ADAM28: variants seen among roughly 807,000 people sequenced by gnomAD.
ADAM28 encodes the protein disintegrin and metalloproteinase domain-containing protein 28.
A neutral mutation model predicts 101.2 loss-of-function variants in ADAM28; 105 were observed. The observed-to-expected ratio is 1.04, with a 90% CI of 0.89 to 1.22. ADAM28 has a LOEUF of 1.22. Among genes scored for constraint, ADAM28 ranks in the 50% most tolerant of loss-of-function variants. ADAM28 has a pLI of 0.00. For synonymous variants in ADAM28, 322 were observed against 310.6 expected, an observed-to-expected ratio of 1.04 and a Z score of -0.39; for missense variants, 1,028 against 945.4, an observed-to-expected ratio of 1.09 and a Z score of -1.15.
At chr8:24,338,357 A>G (rs1187255195) in intron 14 of ADAM28, among the ~76,000 whole-genome samples, 40 of 152,238 alleles carry the variant, frequency 2.6e-4, no homozygotes, top group Non-Finnish European at 2.6e-4. Context: ...GATGCCAGAT[A>G]TATGAATGAT....
At chr8:24,325,502 G>A (rs551489094) in intron 9 of ADAM28, among the ~76,000 whole-genome samples, 28 of 151,840 alleles carry the variant, frequency 1.8e-4, no homozygotes, top group African/African-American at 6.5e-4. Flanking sequence ...GTTATTTTTT[G>A]CAAATGAGCA....
intron 18 of ADAM28, 29 bp from the exon 19 acceptor site, chr8:24,349,835 C>T (rs776272178): frequency 1.9e-6 from 3 of 1,584,690 alleles, no homozygotes; most frequent in Non-Finnish European, 2.6e-6. Flanking sequence ...TTTCTGCAGT[C>T]CTCAGCGGGC....
chr8:24,320,524 T>C (rs1811733741), intron 7 of ADAM28, among the ~76,000 whole-genome samples: 1 of 152,024 alleles, frequency 6.6e-6, no homozygotes, highest in Non-Finnish European at 1.5e-5. Context: ...ATGCATAAAT[T>C]GTTGGCACTT....
In ADAM28 at chr8:24,358,259, T is replaced by A. The variant is rs1179670175; in HGVS notation, c.*3855T>A. 1 of 152,258 alleles carries A rather than the reference T, an allele frequency of 6.6e-6. No individual in the cohort carries two copies. The allele number at this position is 152,258 out of a possible 1,614,324, so 9.4% of individuals were successfully genotyped here. The stretch of plus-strand genomic sequence containing the variant: ...CATTATTTCCTAAGTGTTATATTGC[T>A]ATTTTTCAGTTGGTGCATCCAATAT... On this transcript the variant is annotated 3_prime_UTR_variant, in exon 23 of 23. Coordinates refer to ENST00000265769, the MANE Select transcript of ADAM28 (RefSeq NM_014265.6).
rs1816709674 is a variant in ADAM28 at position 24,356,697 on chromosome 8, A to T, written c.*2293A>T. ...TTTAAGGGAATTCCGCTTATTTGAC[A>T]TTTAACTACCTCAGATATGCCACCA... On this transcript the variant is annotated 3_prime_UTR_variant, in exon 23 of 23. Coordinates refer to ENST00000265769, the MANE Select transcript of ADAM28 (RefSeq NM_014265.6). The T allele has an allele frequency of 6.6e-6, 1 of 152,160 alleles. No homozygotes were observed. Among genetic ancestry groups the T allele is most frequent in the Admixed American group, 6.6e-5 (1 of 15,254 alleles). 9.4% of individuals were successfully genotyped at this position (152,160 alleles called of 1,614,324 possible).
rs777743811 is a variant in ADAM28, at chr8:24,323,888, GAC to G, written c.777_778del (p.Asp259GlufsTer3). On this transcript the variant is annotated frameshift_variant, in exon 9 of 23. Coordinates refer to ENST00000265769, the MANE Select transcript of ADAM28 (RefSeq NM_014265.6). LOFTEE classifies it high-confidence loss of function. ...CTTAGTTGGTATGGAAATCTGGACT[GAC>G]AAGGATAAGATAAAGATAACCCCAA... Reference protein sequence around the residue: ...VALVGMEIWTDKDKIKITPNA... With the variant: ...VALVGMEIWTXKDKIKITPNA... 10 of 1,612,210 alleles carry G rather than the reference GAC, an allele frequency of 6.2e-6. No homozygotes were observed. Among genetic ancestry groups the G allele is most frequent in the Non-Finnish European group, 8.5e-6 (10 of 1,178,828 alleles).
chr8:24,351,370 C>A, intron 20 of ADAM28, 60 bp downstream of exon 20: 1 of 1,445,232 alleles, frequency 6.9e-7, no homozygotes, highest in South Asian at 1.1e-5. Context: ...CTCTCACACT[C>A]TTATCCTGAC....
At chr8:24,294,488 T>C (rs1807697692) in intron 1 of ADAM28, among the ~76,000 whole-genome samples, 1 of 152,160 alleles carries the variant, frequency 6.6e-6, no homozygotes, top group Non-Finnish European at 1.5e-5. Context: ...ATCATGAATA[T>C]GATTTTTGAC....
chr8:24,314,998 A>G (rs11135790), intron 6 of ADAM28, among the ~76,000 whole-genome samples: 24,273 of 151,142 alleles, frequency 0.16, 2,072 homozygotes, highest in East Asian at 0.34. Flanking sequence ...CAGAAAAATG[A>G]CCAAATCACA....
chr8:24,355,460 C>G lies in ADAM28; in HGVS notation c.*1056C>G, dbSNP rs1052772291. The G allele has an allele frequency of 6.6e-6, 1 of 151,908 alleles. No homozygotes were observed. Among genetic ancestry groups the G allele is most frequent in the Non-Finnish European group, 1.5e-5 (1 of 67,956 alleles). The allele number at this position is 151,908 out of a possible 1,614,324, so 9.4% of individuals were successfully genotyped here. A position where few individuals can be genotyped will look rare whatever the true frequency, so the allele number is the denominator to read the frequency against. On this transcript the variant is annotated 3_prime_UTR_variant, in exon 23 of 23. Transcript: ENST00000265769. ...AAGTAAGTCAAGTCAATTAAAATAA[C>G]CTCATTTTTCCTTGCTAGTGGTCGA...
chr8:24,310,489 G>A (rs1170093082), intron 4 of ADAM28: 1 of 340,268 alleles, frequency 2.9e-6, no homozygotes, highest in Non-Finnish European at 5.4e-6. Flanking sequence ...GTGGGTAGAA[G>A]GAGCATGTTA....
chr8:24,319,098 T>C (rs921096777), intron 6 of ADAM28, among the ~76,000 whole-genome samples: 1 of 152,004 alleles, frequency 6.6e-6, no homozygotes, highest in Non-Finnish European at 1.5e-5. Flanking sequence ...CATTATGTTA[T>C]AAAAACACAA....
At chr8:24,332,103 A>G (rs745937122) in intron 12 of ADAM28, among the ~76,000 whole-genome samples, 2 of 152,190 alleles carry the variant, frequency 1.3e-5, no homozygotes, top group Admixed American at 6.5e-5. Flanking sequence ...TCAGTCTTCT[A>G]TGGGAATCTA....
Position 24,343,151 on chromosome 8 carries a change from C to G in ADAM28, c.1881C>G (p.Thr627=), listed in dbSNP as rs1814989385. 1.2e-6 allele frequency: 2 copies of G among 1,613,684 alleles called. No individual in the cohort carries two copies. Among genetic ancestry groups the G allele is most frequent in the Non-Finnish European group, 1.7e-6 (2 of 1,179,820 alleles). The part of the protein sequence containing the change: ...CVDIEKAYKS[T]NCSSKCKGHA... ...ATATTGAGAAAGCCTACAAATCAACCAATTGCTCATCTAAGTGCAAAGGAC... is the reference window on the plus strand; with the variant it reads ...ATATTGAGAAAGCCTACAAATCAACGAATTGCTCATCTAAGTGCAAAGGAC... The change falls in exon 17 of 23, where the codon ACC becomes ACG. Residue 627 remains threonine, a synonymous_variant. Transcript: ENST00000265769.
intron 5 of ADAM28, among the ~76,000 whole-genome samples, chr8:24,311,682 A>C (rs1810478349): frequency 6.6e-6 from 1 of 152,166 alleles, no homozygotes; most frequent in East Asian, 1.9e-4. Flanking sequence ...TTTGAATCCC[A>C]GTTCTGGAGT....
At chr8:24,321,098 T>C (rs371750586) in intron 7 of ADAM28, 120 bp from the exon 8 acceptor site, 6 of 616,412 alleles carry the variant, frequency 9.7e-6, no homozygotes, top group East Asian at 2.9e-5. Context: ...TTTAATTAAA[T>C]CTAATAACTA....
chr8:24,328,548 A>G (rs1812926880), intron 10 of ADAM28, among the ~76,000 whole-genome samples: 1 of 152,094 alleles, frequency 6.6e-6, no homozygotes, highest in South Asian at 2.1e-4. Flanking sequence ...TAGTTCTAAC[A>G]TATAGTAGGT....
At chr8:24,334,964 G>C (rs547849307) in intron 13 of ADAM28, among the ~76,000 whole-genome samples, 1 of 152,278 alleles carries the variant, frequency 6.6e-6, no homozygotes, top group South Asian at 2.1e-4. Context: ...CAATAAAAGG[G>C]ATTAAGGATT....
chr8:24,296,046 T>C (rs898769411), intron 1 of ADAM28: 10 of 152,322 alleles, frequency 6.6e-5, no homozygotes, highest in Middle Eastern at 3.4e-3. Flanking sequence ...AATTGACTTA[T>C]GGGATTTCAT....
Sources: gnomAD v4.1 joint callset for allele counts (sites outside exome capture counted in the v4.1 genomes callset) on GRCh38, gnomAD v4.1.1 for gene constraint, MANE v1.5 for transcripts, NCBI Gene and HGNC (gene_info 2026-07-23, HGNC 2026-07-21) for gene names.